The following MAGI2 variants were observed in gnomAD, a reference collection of about 807,000 sequenced individuals.
MAGI2 encodes the protein membrane-associated guanylate kinase, WW and PDZ domain-containing protein 2.
In MAGI2, 35 loss-of-function variants were observed where a neutral mutation model predicts 133.3. The observed-to-expected ratio is 0.26, with a 90% confidence interval of 0.20 to 0.35. The LOEUF is 0.35. Among genes scored for constraint, MAGI2 ranks in the 10% least tolerant of loss-of-function variants. The pLI is 1.00. For missense variants in MAGI2, 1,636 were observed against 1,863.4 expected (o/e 0.88, Z 2.25); for synonymous variants, 729 against 710.6 (o/e 1.03, Z -0.41).
intron 1 of MAGI2, among the ~76,000 whole-genome samples, chr7:79,232,340 A>G (rs1362297983): frequency 2.9e-5 from 4 of 139,512 alleles, no homozygotes; most frequent in Admixed American, 7.2e-5. Context: ...CTCTTTTTCT[A>G]TTGATTGGAA....
chr7:78,150,377 T>C (rs758943426), intron 16 of MAGI2, among the ~76,000 whole-genome samples: 1 of 152,170 alleles, frequency 6.6e-6, no homozygotes, highest in Non-Finnish European at 1.5e-5. Flanking sequence ...ATGTAGTTGA[T>C]TGTTGGGAAG....
chr7:79,169,282 G>A (rs1825289200), intron 1 of MAGI2, among the ~76,000 whole-genome samples: 1 of 151,996 alleles, frequency 6.6e-6, no homozygotes. Flanking sequence ...AATTTGGAAT[G>A]TGCATTTTAA....
chr7:78,182,209 C>T (rs2150695318), intron 13 of MAGI2, among the ~76,000 whole-genome samples: 1 of 152,174 alleles, frequency 6.6e-6, no homozygotes, highest in East Asian at 1.9e-4. Context: ...GGAAAGTTAG[C>T]ATGAGGAAGA....
chr7:78,773,921 C>A (rs1460212543), intron 2 of MAGI2, among the ~76,000 whole-genome samples: 1 of 152,182 alleles, frequency 6.6e-6, no homozygotes, highest in African/African-American at 2.4e-5. Context: ...CAGATGACAG[C>A]AGTGTTTTCC....
chr7:78,626,198 T>C (rs1808324817), intron 3 of MAGI2, among the ~76,000 whole-genome samples: 2 of 152,178 alleles, frequency 1.3e-5, no homozygotes, highest in African/African-American at 2.4e-5. Flanking sequence ...TAATAGCATC[T>C]GTACATATAC....
rs188770611 is a variant in MAGI2, at chr7:78,221,294, T to C, written c.2048-20101A>G. Among the ~76,000 whole-genome samples, 308 of 152,302 alleles carry C rather than the reference T, an allele frequency of 2.0e-3. 3 individuals are homozygous for C. Among genetic ancestry groups the C allele is most frequent in the African/African-American group, 7.2e-3 (298 of 41,558 alleles). On this transcript the variant is annotated intron_variant, in intron 10 of 21. Transcript: ENST00000354212. ...CCACATGGCAGACCCTTAGTTCTCT[T>C]CCGCCTGTTGTCCAACTTTTCCATT...
intron 2 of MAGI2, among the ~76,000 whole-genome samples, chr7:78,663,202 CTTTTTTTTTTT>C (rs35544274): frequency 1.8e-5 from 2 of 109,244 alleles, no homozygotes; most frequent in African/African-American, 6.8e-5. Flanking sequence ...TGTACCAACT[CTTTTTTTTTTT>C]TTTTTTTTTT....
At chr7:78,050,531 C>G (rs917241209) in intron 21 of MAGI2, among the ~76,000 whole-genome samples, 1 of 152,168 alleles carries the variant, frequency 6.6e-6, no homozygotes, top group Non-Finnish European at 1.5e-5. Context: ...ATCTAAATGA[C>G]ACAAGAGGAT....
intron 3 of MAGI2, among the ~76,000 whole-genome samples, chr7:78,573,219 T>TATAA (rs1176888660): frequency 1.3e-5 from 1 of 78,142 alleles, no homozygotes; most frequent in Non-Finnish European, 2.2e-5. Flanking sequence ...TATATATAAA[T>TATAA]ATATATAAAT....
intron 7 of MAGI2, among the ~76,000 whole-genome samples, chr7:78,364,616 C>T (rs761247401): frequency 3.3e-5 from 5 of 152,200 alleles, no homozygotes; most frequent in Non-Finnish European, 7.3e-5. Flanking sequence ...ATATGGTTTG[C>T]TTCTCTGTCT....
At chr7:79,173,268 T>C (rs981894103) in intron 1 of MAGI2, among the ~76,000 whole-genome samples, 2 of 152,014 alleles carry the variant, frequency 1.3e-5, no homozygotes, top group Admixed American at 6.6e-5. Context: ...AGCAGTGTCA[T>C]GTTCTTGCAT....
intron 1 of MAGI2, among the ~76,000 whole-genome samples, chr7:79,089,567 A>G (rs1019042179): frequency 3.3e-5 from 5 of 151,774 alleles, no homozygotes; most frequent in African/African-American, 7.3e-5. Flanking sequence ...ATGTCCATCA[A>G]AAAAAAAGAC....
At chr7:79,000,620 G>T (rs903533892) in intron 2 of MAGI2, among the ~76,000 whole-genome samples, 2 of 152,106 alleles carry the variant, frequency 1.3e-5, no homozygotes, top group Admixed American at 6.5e-5. Context: ...ATACCTTTTG[G>T]TGTGTTAGTA....
intron 4 of MAGI2, among the ~76,000 whole-genome samples, chr7:78,504,106 T>A (rs1010520162): frequency 6.6e-6 from 1 of 152,126 alleles, no homozygotes; most frequent in Non-Finnish European, 1.5e-5. Context: ...GAAGACCTAG[T>A]AAGACCATGG....
intron 1 of MAGI2, among the ~76,000 whole-genome samples, chr7:79,306,820 A>AT (rs35269793): frequency 0.23 from 33,699 of 147,480 alleles, 5,033 homozygotes; most frequent in African/African-American, 0.42. Context: ...TTTCTGAAGA[A>AT]TTTTTTTTTT....
At chr7:78,083,650 C>T (rs1000539955) in intron 20 of MAGI2, among the ~76,000 whole-genome samples, 3 of 152,130 alleles carry the variant, frequency 2.0e-5, no homozygotes, top group Non-Finnish European at 2.9e-5. Context: ...AGGGACAAGG[C>T]GGAGCGGGAT....
At chr7:78,307,545 T>C (rs1004563836) in intron 9 of MAGI2, among the ~76,000 whole-genome samples, 4 of 152,144 alleles carry the variant, frequency 2.6e-5, no homozygotes, top group African/African-American at 9.7e-5. Context: ...TACAGTGTTG[T>C]AACAGAAAGA....
intron 2 of MAGI2, among the ~76,000 whole-genome samples, chr7:78,932,586 G>A (rs1800220333): frequency 1.3e-5 from 2 of 151,950 alleles, no homozygotes; most frequent in Admixed American, 6.6e-5. Context: ...TAGTGTCACA[G>A]TGAACACATG....
intron 2 of MAGI2, among the ~76,000 whole-genome samples, chr7:78,904,939 T>C (rs1000297318): frequency 2.8e-4 from 35 of 125,698 alleles, no homozygotes; most frequent in African/African-American, 1.0e-3. Flanking sequence ...TCAAACTGTT[T>C]ATTTTCTTTC....
Sources: gnomAD v4.1 joint callset for allele counts (sites outside exome capture counted in the v4.1 genomes callset) on GRCh38, gnomAD v4.1.1 for gene constraint, MANE v1.5 for transcripts, NCBI Gene and HGNC (gene_info 2026-07-23, HGNC 2026-07-21) for gene names.